TIGAR: variants seen among roughly 807,000 people sequenced by gnomAD.
TIGAR encodes the protein TP53 induced glycolysis regulatory phosphatase.
In TIGAR, 7 loss-of-function variants were observed where a neutral mutation model predicts 17.9. The ratio of observed to expected loss-of-function variants is 0.39; its 90% CI spans 0.22 to 0.73. TIGAR has a LOEUF of 0.73. TIGAR is among the 30% of genes least tolerant of loss of function. TIGAR has a pLI of 0.42. For missense variants in TIGAR, 258 were observed against 327.4 expected (o/e 0.79, Z 1.64); for synonymous variants, 94 against 108.6 (o/e 0.87, Z 0.84).
chr12:4,345,251 A>G (rs1233938944), intron 3 of TIGAR, among the ~76,000 whole-genome samples: 1 of 152,242 alleles, frequency 6.6e-6, no homozygotes, highest in Middle Eastern at 3.2e-3. Flanking sequence ...AGACTTGGAA[A>G]AAACTACTTT....
rs1044895921 is a variant in TIGAR, at chr12:4,355,962, A to G, written c.*3271A>G. On this transcript the variant is annotated 3_prime_UTR_variant, in exon 6 of 6. Transcript: ENST00000179259. ...CTCCTTTGAGCAAGGGGGATGGGAG[A>G]GTGACGGGAGAAGAGGACAGGCCAC... is the stretch of plus-strand genomic sequence containing the variant. Among the ~76,000 whole-genome samples the G allele has an allele frequency of 1.3e-5, 2 of 152,114 alleles. No homozygotes were observed. The highest frequency in any genetic ancestry group is 6.5e-5 in the Admixed American group (1 of 15,272).
chr12:4,341,069 C>A (rs191927331), intron 3 of TIGAR, among the ~76,000 whole-genome samples: 8 of 152,158 alleles, frequency 5.3e-5, no homozygotes. Context: ...AGCTTTGGTG[C>A]AGCAAAGGAA....
In TIGAR at chr12:4,352,808, G is replaced by T; in HGVS notation, c.*117G>T. Reference sequence around the variant, plus strand: ...GGAAACAGTTAAAAGCCAATTTTTAGCTCCAGTGGAACCATAGCCACATAA... The same window carrying T: ...GGAAACAGTTAAAAGCCAATTTTTATCTCCAGTGGAACCATAGCCACATAA... On this transcript the variant is annotated 3_prime_UTR_variant, in exon 6 of 6. Coordinates refer to ENST00000179259, the MANE Select transcript of TIGAR (RefSeq NM_020375.3). The T allele has an allele frequency of 1.1e-6, 1 of 916,264 alleles. No homozygotes were observed. The highest frequency in any genetic ancestry group is 1.6e-6 in the Non-Finnish European group (1 of 622,872). The allele number at this position is 916,264 out of a possible 1,614,324, so 56.8% of individuals were successfully genotyped here.
intron 1 of TIGAR, chr12:4,324,903 A>G: frequency 2.6e-6 from 1 of 383,752 alleles, no homozygotes; most frequent in Non-Finnish European, 4.7e-6. Context: ...TATACTTTTA[A>G]TGATTTAAAA....
At chr12:4,343,311 A>G (rs925412089) in intron 3 of TIGAR, among the ~76,000 whole-genome samples, 15 of 152,340 alleles carry the variant, frequency 9.8e-5, no homozygotes, top group Admixed American at 2.6e-4. Context: ...CACTGTCAGC[A>G]TTAGACAGAT....
intron 2 of TIGAR, 128 bp from the exon 3 acceptor site, chr12:4,336,911 G>T: frequency 9.1e-7 from 1 of 1,096,194 alleles, no homozygotes; most frequent in Non-Finnish European, 1.2e-6. Flanking sequence ...GAAAAGTTAC[G>T]TGGAAGAGTA....
rs914740035 is a variant in TIGAR, at chr12:4,321,668, A to G, written c.32+365A>G. 6.6e-6 allele frequency among the ~76,000 whole-genome samples: 1 copy of G among 152,178 alleles called. No individual in the cohort carries two copies. The highest frequency in any genetic ancestry group is 2.4e-5 in the African/African-American group (1 of 41,444). On this transcript the variant is annotated intron_variant, in intron 1 of 5. Transcript: ENST00000179259. The surrounding 1 kb of genome is among the most constrained non-coding windows in gnomAD (Gnocchi z 5.2). ...CGATTTTGCTCCCCAGCAGATTGCA[A>G]AGAGTTTGCAGAATTGCTCGTCCAT...
At chr12:4,337,928 C>G (rs1487337823) in intron 3 of TIGAR, among the ~76,000 whole-genome samples, 1 of 152,102 alleles carries the variant, frequency 6.6e-6, no homozygotes, top group Non-Finnish European at 1.5e-5. Context: ...GTCAGGAGTT[C>G]AAGACCAGCC....
chr12:4,356,811 T>C lies in TIGAR; in HGVS notation c.*4120T>C, dbSNP rs79573818. 0.02 allele frequency among the ~76,000 whole-genome samples: 3,061 copies of C among 152,256 alleles called. 51 individuals are homozygous for C. The highest frequency in any genetic ancestry group is 0.029 in the Non-Finnish European group (1,939 of 68,014). On this transcript the variant is annotated 3_prime_UTR_variant, in exon 6 of 6. Transcript: ENST00000179259. ...GCCTAGCAGAGGGAATGGGCAGAAG[T>C]TTCCAGTTCCAGGCTTCACCCCAGG...
At chr12:4,339,265 A>T (rs1247664120) in intron 3 of TIGAR, among the ~76,000 whole-genome samples, 1 of 152,204 alleles carries the variant, frequency 6.6e-6, no homozygotes, top group Non-Finnish European at 1.5e-5. Context: ...AAGGGCTACT[A>T]TCAGCAACTA....
chr12:4,321,313 G>A lies in TIGAR; in HGVS notation c.32+10G>A, dbSNP rs1245236710. ...TGACTGTTGTCCGGCAGTGAGTATGGCTGTGGCAGGATGTCTTTCTCTCTC... is the reference window on the plus strand; with the variant it reads ...TGACTGTTGTCCGGCAGTGAGTATGACTGTGGCAGGATGTCTTTCTCTCTC... On this transcript the variant is annotated intron_variant, in intron 1 of 5. Coordinates refer to ENST00000179259, the MANE Select transcript of TIGAR (RefSeq NM_020375.3). This position sits in a 1 kb window ranked among gnomAD's most constrained non-coding sequence, Gnocchi z 5.2. 1.2e-6 allele frequency: 2 copies of A among 1,600,988 alleles called. No homozygotes were observed. The highest frequency in any genetic ancestry group is 3.3e-5 in the Admixed American group (2 of 60,022).
At chr12:4,325,863 T>C (rs1262723700) in intron 1 of TIGAR, among the ~76,000 whole-genome samples, 2 of 152,128 alleles carry the variant, frequency 1.3e-5, no homozygotes, top group Non-Finnish European at 2.9e-5. Context: ...ATTCGTGATA[T>C]CAGGTGAGGG....
Position 4,356,703 on chromosome 12 carries a change from TTCACTGCCCTAAAAGTCC to T in TIGAR, c.*4015_*4032del, listed in dbSNP as rs1290190054. On this transcript the variant is annotated 3_prime_UTR_variant, in exon 6 of 6. Coordinates refer to ENST00000179259, the MANE Select transcript of TIGAR (RefSeq NM_020375.3). ...CCATTATAGTATCATGCAGAGTATT[TTCACTGCCCTAAAAGTCC>T]TCTGTGTTCCCTGTACTCATCTTTC... 2.0e-5 allele frequency among the ~76,000 whole-genome samples: 3 copies of T among 152,340 alleles called. No individual in the cohort carries two copies. Among genetic ancestry groups the T allele is most frequent in the Non-Finnish European group, 4.4e-5 (3 of 68,022 alleles).
intron 2 of TIGAR, among the ~76,000 whole-genome samples, chr12:4,332,804 A>G (rs1412766842): frequency 1.3e-5 from 2 of 152,238 alleles, no homozygotes; most frequent in Non-Finnish European, 2.9e-5. Flanking sequence ...GGAATTATAT[A>G]TAAAATAATC....
At chr12:4,333,352 C>T (rs1349014966) in intron 2 of TIGAR, among the ~76,000 whole-genome samples, 6 of 150,156 alleles carry the variant, frequency 4.0e-5, no homozygotes, top group Admixed American at 1.3e-4. Context: ...TGCAATGGCG[C>T]GATCTCAGCT....
chr12:4,352,363 T>A lies in TIGAR; in HGVS notation c.485T>A (p.Leu162Gln), dbSNP rs1236853509. 3.7e-6 allele frequency: 6 copies of A among 1,614,174 alleles called. No homozygotes were observed. The highest frequency in any genetic ancestry group is 1.3e-5 in the African/African-American group (1 of 75,054). The change falls in exon 6 of 6, where the codon CTG (leucine) becomes CAG (glutamine). Residue 162 changes from leucine (L) to glutamine (Q), a missense_variant. Physicochemically the swap from Leu to Gln is moderately radical, Grantham distance 113 (BLOSUM62 -2). Coordinates refer to ENST00000179259, the MANE Select transcript of TIGAR (RefSeq NM_020375.3). ...QFSQGSPSNC[L>Q]ETSLAEIFPL... ...TCCCAAGGATCTCCAAGCAACTGTCTGGAAACTTCTTTGGCAGAGATATTT... is the reference window on the plus strand; with the variant it reads ...TCCCAAGGATCTCCAAGCAACTGTCAGGAAACTTCTTTGGCAGAGATATTT...
intron 1 of TIGAR, among the ~76,000 whole-genome samples, chr12:4,330,712 A>G (rs896529333): frequency 6.6e-6 from 1 of 152,130 alleles, no homozygotes; most frequent in Non-Finnish European, 1.5e-5. Flanking sequence ...TTTAGTTTTT[A>G]AAAGTGTAGT....
intron 2 of TIGAR, among the ~76,000 whole-genome samples, chr12:4,336,414 T>G (rs548871951): frequency 6.6e-6 from 1 of 150,650 alleles, no homozygotes; most frequent in African/African-American, 2.4e-5. Flanking sequence ...CCCTTGGAGA[T>G]TTTTTGTATG....
At chr12:4,324,522 GA>G in intron 1 of TIGAR, 1 of 1,609,968 alleles carries the variant, frequency 6.2e-7, no homozygotes, top group Non-Finnish European at 8.5e-7. Context: ...TGCCGTTGTA[GA>G]CGCCCACCAT....
Sources: gnomAD v4.1 joint callset for allele counts (sites outside exome capture counted in the v4.1 genomes callset) on GRCh38, gnomAD v4.1.1 for gene constraint, Gnocchi (gnomAD v3.1) non-coding constraint, MANE v1.5 for transcripts, NCBI Gene and HGNC (gene_info 2026-07-23, HGNC 2026-07-21) for gene names.